Variants in CP observed in about 807,000 individuals in gnomAD.
CP encodes the protein ceruloplasmin.
CP carries 64 observed loss-of-function variants against 122.4 expected under a neutral mutation model. That is an observed-to-expected ratio of 0.52 (90% CI 0.43 to 0.64). The LOEUF is 0.64. Among genes scored for constraint, CP ranks in the 30% least tolerant of loss-of-function variants. CP has a pLI of 0.00. For synonymous variants in CP, 440 were observed against 436.4 expected (o/e 1.01, Z -0.10); for missense variants, 1,167 against 1,284.4 (o/e 0.91, Z 1.40).
At position 149,198,438 on chromosome 3, in the gene CP, C is replaced by T; in HGVS notation, c.1642G>A (p.Asp548Asn). The change falls in exon 9 of 19, where the codon GAT (aspartate) becomes AAT (asparagine). Residue 548 changes from aspartate to asparagine, a missense_variant. Physicochemically the swap from Asp to Asn is conservative, Grantham distance 23 (BLOSUM62 1). Coordinates refer to ENST00000264613, the MANE Select transcript of CP (RefSeq NM_000096.4). ...MYYSAVEPTK[D>N]IFTGLIGPMK... ...GGCCCAATAAGCCCAGTGAATATAT[C>T]TTTAGTGGGTTCCACAGCAGAATAA... 6.2e-7 allele frequency: 1 copy of T among 1,612,434 alleles called. No individual in the cohort carries two copies. The highest frequency in any genetic ancestry group is 1.1e-5 in the South Asian group (1 of 91,040).
At chr3:149,211,430 T>G (rs1004197910) in intron 2 of CP, among the ~76,000 whole-genome samples, 4 of 152,240 alleles carry the variant, frequency 2.6e-5, no homozygotes, top group Non-Finnish European at 5.9e-5. Context: ...GGCTCAGACC[T>G]TTGTCTATTA....
rs765214730 is a variant in CP at position 149,221,748 on chromosome 3, G to A, written c.45C>T (p.Thr15=). 2.1e-5 allele frequency: 34 copies of A among 1,613,338 alleles called. No homozygotes were observed. In the African/African-American group the frequency reaches 4.3e-4, roughly 20 times the overall value. The change falls in exon 1 of 19, where the codon ACC becomes ACT. Residue 15 remains threonine (T), a synonymous_variant. Transcript: ENST00000264613. ...AATGCTTTTCTTTCGCCCAGGCTGG[G>A]GTACTACATAAAAACAGAAAAATAC... ...ILGIFLFLCS[T]PAWAKEKHYY... is the part of the protein sequence containing the mutation.
At chr3:149,193,184 T>G (rs2108257752) in intron 9 of CP, among the ~76,000 whole-genome samples, 1 of 152,300 alleles carries the variant, frequency 6.6e-6, no homozygotes, top group Admixed American at 6.5e-5. Context: ...AAGAGCAGTT[T>G]GACAAGCACA....
chr3:149,171,017 C>T (rs79301744), downstream of CP, among the ~76,000 whole-genome samples: 3,141 of 152,220 alleles, frequency 0.021, 50 homozygotes, highest in Middle Eastern at 0.041. Context: ...CGGTGGCTCA[C>T]GCCGGTAATC....
At position 149,210,459 on chromosome 3, in the gene CP, T is replaced by G. The variant is rs1728036207; in HGVS notation, c.395-80A>C. Reference sequence around the variant, plus strand: ...GAGAATAGATAGTCCATTAATTCATTCAGCAAACATTTATTAAACATCTAC... The same window carrying G: ...GAGAATAGATAGTCCATTAATTCATGCAGCAAACATTTATTAAACATCTAC... On this transcript the variant is annotated intron_variant, in intron 2 of 18. Transcript: ENST00000264613. The G allele has an allele frequency of 2.5e-6, 3 of 1,205,296 alleles. No homozygotes were observed. In the African/African-American group the frequency reaches 4.5e-5, roughly 18 times the overall value. 74.7% of individuals were successfully genotyped at this position (1,205,296 alleles called of 1,614,324 possible).
chr3:149,200,034 G>T (rs949599622), intron 7 of CP, 170 bp from the exon 8 acceptor site: 1 of 660,800 alleles, frequency 1.5e-6, no homozygotes, highest in Non-Finnish European at 2.7e-6. Context: ...AATCTGATAT[G>T]TCGAGGTTGG....
intron 9 of CP, among the ~76,000 whole-genome samples, chr3:149,194,053 A>C (rs1726722844): frequency 6.6e-6 from 1 of 152,204 alleles, no homozygotes; most frequent in African/African-American, 2.4e-5. Context: ...GGGCATAAAA[A>C]TACATAGCCT....
intron 3 of CP, among the ~76,000 whole-genome samples, chr3:149,209,877 A>G (rs1297301555): frequency 6.6e-6 from 1 of 152,180 alleles, no homozygotes; most frequent in East Asian, 1.9e-4. Flanking sequence ...TGGTAAAGTC[A>G]TATGTCTCTT....
At chr3:149,219,821 A>G (rs1728694372) in intron 1 of CP, among the ~76,000 whole-genome samples, 1 of 151,678 alleles carries the variant, frequency 6.6e-6, no homozygotes, top group Non-Finnish European at 1.5e-5. Flanking sequence ...AAGATGTGGG[A>G]AAGTTTGGAA....
chr3:149,212,137 CA>C (rs1202152308), intron 2 of CP, among the ~76,000 whole-genome samples: 9 of 144,826 alleles, frequency 6.2e-5, no homozygotes, highest in East Asian at 4.0e-4. Flanking sequence ...ACTAAAAATG[CA>C]AAAAAAAAAT....
chr3:149,210,285 T>A lies in CP; in HGVS notation c.489A>T (p.Glu163Asp), dbSNP rs2108296907. 1 of 1,614,104 alleles carries A rather than the reference T, an allele frequency of 6.2e-7. No homozygotes were observed. The highest frequency in any genetic ancestry group is 1.3e-5 in the African/African-American group (1 of 75,050). Residue 163 changes from glutamate (E) to aspartate (D), a missense_variant, in exon 3 of 19, where the codon GAA becomes GAT. By Grantham distance (45) the Glu-to-Asp change is conservative. Transcript: ENST00000264613. ...CATCTCCTTCCCCAGGACTTTGTTC[T>A]TCAGTGGCAAGCAACATGTATGTAT... ...EQYTYMLLAT[E>D]EQSPGEGDGN...
At chr3:149,204,918 A>T (rs1042694275) in intron 6 of CP, among the ~76,000 whole-genome samples, 2 of 152,216 alleles carry the variant, frequency 1.3e-5, no homozygotes, top group Non-Finnish European at 2.9e-5. Flanking sequence ...AGAAAGTGAA[A>T]GACAACCTAT....
intron 5 of CP, 145 bp from the exon 6 acceptor site, chr3:149,206,484 G>A (rs1727736452): frequency 7.5e-6 from 7 of 930,052 alleles, no homozygotes; most frequent in Non-Finnish European, 1.2e-5. Flanking sequence ...GCAGACAGCT[G>A]TAAATAAATT....
intron 6 of CP, among the ~76,000 whole-genome samples, chr3:149,205,358 A>T (rs1017151406): frequency 1.3e-5 from 2 of 149,258 alleles, no homozygotes; most frequent in African/African-American, 4.9e-5. Context: ...ATTATTTTGC[A>T]TATCCAGCTA....
At chr3:149,164,691 A>C (rs1237124953) in intron 5 of CP, among the ~76,000 whole-genome samples, 2 of 152,166 alleles carry the variant, frequency 1.3e-5, no homozygotes, top group Non-Finnish European at 2.9e-5. Flanking sequence ...AAAATTTAGC[A>C]GCTCCGTTAA....
intron 9 of CP, among the ~76,000 whole-genome samples, chr3:149,188,504 A>C (rs961268679): frequency 4.7e-5 from 7 of 149,580 alleles, no homozygotes; most frequent in African/African-American, 1.7e-4. Flanking sequence ...AAAAAAAAAA[A>C]AAAAAAAAAA....
chr3:149,185,329 C>G lies in CP; in HGVS notation c.2195G>C (p.Arg732Thr), dbSNP rs1312876504. The change falls in exon 12 of 19, where the codon AGG becomes ACG. Residue 732 changes from arginine (R) to threonine (T), a missense_variant. Physicochemically the swap from Arg to Thr is moderately conservative, Grantham distance 71. Transcript: ENST00000264613. ...CTCCACTGCTGCGATATAGTATGTC[C>G]TCTCTCCCAGGTAGAAGGTGGAATC... ...SEDSTFYLGE[R>T]TYYIAAVEVE... is the part of the protein sequence containing the mutation. 1 of 1,613,982 alleles carries G rather than the reference C, an allele frequency of 6.2e-7. No individual in the cohort carries two copies. The highest frequency in any genetic ancestry group is 2.2e-5 in the East Asian group (1 of 44,900).
chr3:149,169,081 A>G (rs139271173), downstream of CP, among the ~76,000 whole-genome samples: 60 of 151,952 alleles, frequency 3.9e-4, no homozygotes, highest in Non-Finnish European at 4.9e-4. Context: ...ACTAAGTGCC[A>G]TGTGTGATTT....
intron 1 of CP, among the ~76,000 whole-genome samples, chr3:149,216,055 G>A (rs936014734): frequency 6.6e-6 from 1 of 152,144 alleles, no homozygotes; most frequent in Non-Finnish European, 1.5e-5. Flanking sequence ...ATGCTTAGAC[G>A]TGGTTCCCAA....
Sources: allele counts gnomAD v4.1 joint callset (sites outside exome capture counted in the v4.1 genomes callset), GRCh38; gene constraint gnomAD v4.1.1; transcripts MANE v1.5; gene names NCBI Gene and HGNC (gene_info 2026-07-23, HGNC 2026-07-21).